NPPC: variants seen among roughly 807,000 people sequenced by gnomAD.
NPPC encodes the protein natriuretic peptide C.
Under a neutral mutation model 10.2 loss-of-function variants are expected in NPPC, and 4 were observed. The ratio of observed to expected loss-of-function variants is 0.39; its 90% CI spans 0.19 to 0.90. The LOEUF is 0.90. Ranked by LOEUF, NPPC falls within the 40% of genes least tolerant of loss-of-function variation. NPPC has a pLI of 0.37. For missense variants in NPPC, 182 were observed against 173.8 expected (o/e 1.05, Z -0.26); for synonymous variants, 83 against 87.3 (o/e 0.95, Z 0.27).
intron 2 of NPPC, 137 bp from the exon 3 acceptor site, chr2:231,922,452 C>G (rs978620967): frequency 4.6e-5 from 7 of 152,260 alleles, no homozygotes; most frequent in Admixed American, 1.3e-4. Context: ...CGCCACCCCC[C>G]CAACCAGGCC....
rs1691991825 is a variant in NPPC, at chr2:231,925,550, C to G, written c.256G>C (p.Ala86Pro). 4 of 1,612,576 alleles carry G rather than the reference C, an allele frequency of 2.5e-6. No homozygotes were observed. Among genetic ancestry groups the G allele is most frequent in the Non-Finnish European group, 3.4e-6 (4 of 1,179,640 alleles). ...TTGGGGTGCTCTTGCAGAAGGCGAG[C>G]CCACGCTGCCCGCGACTTGGTGTCC... Reference protein sequence around the residue: ...RVDTKSRAAWARLLQEHPNAR... With the variant: ...RVDTKSRAAWPRLLQEHPNAR... Residue 86 changes from alanine (A) to proline (P), a missense_variant, in exon 2 of 3, where the codon GCT becomes CCT. Physicochemically the swap from Ala to Pro is conservative, Grantham distance 27. Transcript: ENST00000409852.
intron 2 of NPPC, 135 bp downstream of exon 2, chr2:231,925,270 G>A: frequency 4.4e-6 from 3 of 679,294 alleles, no homozygotes; most frequent in South Asian, 5.2e-5. Flanking sequence ...TCTGTAAAGT[G>A]GGATAATAAA....
intron 2 of NPPC, among the ~76,000 whole-genome samples, chr2:231,922,993 G>T (rs1691950138): frequency 6.6e-6 from 1 of 152,208 alleles, no homozygotes; most frequent in Non-Finnish European, 1.5e-5. Context: ...CAGAGGAAAT[G>T]GTGTCTCACA....
chr2:231,924,324 GAC>G (rs1224197987), intron 2 of NPPC, among the ~76,000 whole-genome samples: 5 of 152,360 alleles, frequency 3.3e-5, no homozygotes, highest in East Asian at 1.9e-4. Flanking sequence ...GTAAAAAAGA[GAC>G]AGTGTGCTGG....
At chr2:231,923,820 G>A (rs957483454) in intron 2 of NPPC, among the ~76,000 whole-genome samples, 1 of 152,234 alleles carries the variant, frequency 6.6e-6, no homozygotes, top group Non-Finnish European at 1.5e-5. Flanking sequence ...GTGGGGATGC[G>A]CATTCCAGGT....
chr2:231,926,028 C>A (rs1392390285), intron 1 of NPPC, 132 bp downstream of exon 1: 2 of 747,986 alleles, frequency 2.7e-6, no homozygotes, highest in Non-Finnish European at 3.8e-6. Flanking sequence ...GGCTCCCCGG[C>A]TCTCGCCCAC....
intron 2 of NPPC, among the ~76,000 whole-genome samples, chr2:231,924,624 A>G (rs773314256): frequency 2.0e-5 from 3 of 152,030 alleles, no homozygotes; most frequent in Non-Finnish European, 4.4e-5. Flanking sequence ...GTAAATTACC[A>G]CCACGCGGCA....
rs1044981704 is a variant in NPPC at position 231,926,167 on chromosome 2, G to A, written c.83C>T (p.Pro28Leu). ...CCCCACGACAGCACCCACCTTCGGC[G>A]GCGCCCCGGGCTTGGCTTCGGAGGG... ...LRPSEAKPGA[P>L]PKVPRTPPAE... Residue 28 changes from proline to leucine, a missense_variant, in exon 1 of 3, where the codon CCG becomes CTG. Physicochemically the swap from Pro to Leu is moderately conservative, Grantham distance 98 (BLOSUM62 -3). Coordinates refer to ENST00000409852, the MANE Select transcript of NPPC (RefSeq NM_024409.4). The A allele has an allele frequency of 1.5e-6, 2 of 1,294,632 alleles. No individual in the cohort carries two copies. Among genetic ancestry groups the A allele is most frequent in the African/African-American group, 1.5e-5 (1 of 65,034 alleles). 80.2% of individuals were successfully genotyped at this position (1,294,632 alleles called of 1,614,324 possible).
At chr2:231,924,898 A>G (rs1346942834) in intron 2 of NPPC, among the ~76,000 whole-genome samples, 3 of 152,186 alleles carry the variant, frequency 2.0e-5, no homozygotes, top group Non-Finnish European at 4.4e-5. Context: ...CAGTTTGCCC[A>G]CTGCCTGGGT....
chr2:231,922,565 C>T (rs887274712), intron 2 of NPPC, among the ~76,000 whole-genome samples: 24 of 152,182 alleles, frequency 1.6e-4, no homozygotes, highest in African/African-American at 5.8e-4. Flanking sequence ...ACTCCTTCTT[C>T]CCCCAGTCTA....
chr2:231,924,361 G>T (rs1691970174), intron 2 of NPPC, among the ~76,000 whole-genome samples: 2 of 152,248 alleles, frequency 1.3e-5, no homozygotes, highest in African/African-American at 2.4e-5. Flanking sequence ...TTCCCTCCGG[G>T]AGAAGATCCG....
intron 2 of NPPC, among the ~76,000 whole-genome samples, chr2:231,924,903 CT>C (rs903562172): frequency 1.3e-5 from 2 of 152,216 alleles, no homozygotes; most frequent in Non-Finnish European, 2.9e-5. Flanking sequence ...TGCCCACTGC[CT>C]GGGTTTAGAG....
Position 231,925,472 on chromosome 2 carries a change from C to A in NPPC, c.334G>T (p.Gly112Cys), listed in dbSNP as rs1691990249. 1.9e-6 allele frequency: 3 copies of A among 1,612,428 alleles called. No homozygotes were observed. The highest frequency in any genetic ancestry group is 2.5e-6 in the Non-Finnish European group (3 of 1,179,442). ...NKKGLSKGCF[G>C]LKLDRIGSMS... The stretch of plus-strand genomic sequence containing the variant: ...GAGCCGATTCGGTCCAGCTTGAGGC[C>A]GAAGCAGCCCTTGGACAAGCCCTTC... Residue 112 changes from glycine (G) to cysteine (C), a missense_variant, in exon 2 of 3, where the codon GGC (glycine) becomes TGC (cysteine). Gly to Cys is a radical substitution (Grantham distance 159). Coordinates refer to ENST00000409852, the MANE Select transcript of NPPC (RefSeq NM_024409.4).
rs1277586736 is a variant in NPPC, at chr2:231,921,837, T to A, written c.*499A>T. The A allele has an allele frequency of 2.3e-4, 35 of 152,000 alleles. No homozygotes were observed. The highest frequency in any genetic ancestry group is 1.2e-4 in the Non-Finnish European group (8 of 68,008). 9.4% of individuals were successfully genotyped at this position (152,000 alleles called of 1,614,324 possible). Reference sequence around the variant, plus strand: ...TCAAGATATTCATGGAATGACTTTTTTTTTTTTACATTTTTTTTAACTAGT... The same window carrying A: ...TCAAGATATTCATGGAATGACTTTTATTTTTTTACATTTTTTTTAACTAGT... On this transcript the variant is annotated 3_prime_UTR_variant, in exon 3 of 3. Transcript: ENST00000409852.
intron 1 of NPPC, 110 bp from the exon 2 acceptor site, chr2:231,925,825 G>C: frequency 3.1e-6 from 4 of 1,280,836 alleles, no homozygotes; most frequent in Non-Finnish European, 1.0e-6. Flanking sequence ...CCCAAGCCCA[G>C]AGCCGCCCCC....
rs750855595 is a variant in NPPC, at chr2:231,925,470, G to A, written c.336C>T (p.Gly112=). The part of the protein sequence containing the change: ...NKKGLSKGCF[G]LKLDRIGSMS... ...TGGAGCCGATTCGGTCCAGCTTGAG[G>A]CCGAAGCAGCCCTTGGACAAGCCCT... The change falls in exon 2 of 3, where the codon GGC becomes GGT. Residue 112 remains glycine, a synonymous_variant. Transcript: ENST00000409852. The A allele has an allele frequency of 4.3e-6, 7 of 1,612,446 alleles. No individual in the cohort carries two copies. The South Asian group carries it at 5.5e-5, about 13-fold the overall frequency.
Position 231,926,257 on chromosome 2 carries a change from C to T in NPPC, c.-8G>A. The T allele has an allele frequency of 1.5e-6, 2 of 1,295,780 alleles. No individual in the cohort carries two copies. The highest frequency in any genetic ancestry group is 3.8e-5 in the Admixed American group (1 of 26,054). 80.3% of individuals were successfully genotyped at this position (1,295,780 alleles called of 1,614,324 possible). On this transcript the variant is annotated 5_prime_UTR_variant, in exon 1 of 3. Coordinates refer to ENST00000409852, the MANE Select transcript of NPPC (RefSeq NM_024409.4). ...CAGCTGGGAGAGATGCATGGTGCCG[C>T]TGGGGTCGAGGGGCGCACACGGGCG...
intron 2 of NPPC, among the ~76,000 whole-genome samples, chr2:231,923,206 G>A (rs1199702715): frequency 1.3e-5 from 2 of 152,234 alleles, no homozygotes; most frequent in Admixed American, 6.5e-5. Context: ...TGGCTCTGCC[G>A]TGAGTTTACA....
At chr2:231,924,539 A>G (rs1574750397) in intron 2 of NPPC, among the ~76,000 whole-genome samples, 1 of 152,302 alleles carries the variant, frequency 6.6e-6, no homozygotes, top group African/African-American at 2.4e-5. Context: ...AGAGGCTGGG[A>G]TGTTATTCAG....
Sources: allele counts gnomAD v4.1 joint callset (sites outside exome capture counted in the v4.1 genomes callset), GRCh38; gene constraint gnomAD v4.1.1; transcripts MANE v1.5; gene names NCBI Gene and HGNC (gene_info 2026-07-23, HGNC 2026-07-21).